Variants in ACTR6 observed in about 807,000 individuals in gnomAD.
The protein encoded by ACTR6 is actin-related protein 6.
Under a neutral mutation model 52.5 loss-of-function variants are expected in ACTR6, and 50 were observed. The observed-to-expected ratio is 0.95, with a 90% confidence interval of 0.76 to 1.20. ACTR6 has a LOEUF of 1.20. Ranked by LOEUF, ACTR6 falls within the 50% of genes most tolerant of loss-of-function variation. The probability of loss-of-function intolerance (pLI) is 0.00; values close to 1 mark genes in which losing one functional copy is unlikely to be tolerated. For synonymous variants in ACTR6, 135 were observed against 147.2 expected (o/e 0.92, Z 0.60); for missense variants, 344 against 472.4 (o/e 0.73, Z 2.52).
intron 10 of ACTR6, among the ~76,000 whole-genome samples, chr12:100,221,410 A>T (rs1282530023): frequency 6.6e-6 from 1 of 152,182 alleles, no homozygotes; most frequent in Non-Finnish European, 1.5e-5. Flanking sequence ...TATTGGGATG[A>T]TTTTTATCAC....
At chr12:100,215,738 TTAA>T (rs1331328133) in intron 8 of ACTR6, among the ~76,000 whole-genome samples, 7 of 152,340 alleles carry the variant, frequency 4.6e-5, no homozygotes, top group Non-Finnish European at 8.8e-5. Context: ...TTAAATCATC[TTAA>T]TAATTTTTTA....
chr12:100,216,270 C>T (rs2096123825), intron 8 of ACTR6, among the ~76,000 whole-genome samples: 1 of 152,206 alleles, frequency 6.6e-6, no homozygotes, highest in Non-Finnish European at 1.5e-5. Flanking sequence ...ATCCTCCCAC[C>T]TTAGCCTCCC....
chr12:100,203,874 C>A (rs995150570), intron 1 of ACTR6: 4 of 152,170 alleles, frequency 2.6e-5, no homozygotes, highest in African/African-American at 9.7e-5. Context: ...TGGTCTCGAT[C>A]TCCTGACCTC....
At chr12:100,207,248 T>G (rs1463163915) in intron 3 of ACTR6, among the ~76,000 whole-genome samples, 1 of 151,942 alleles carries the variant, frequency 6.6e-6, no homozygotes, top group Non-Finnish European at 1.5e-5. Context: ...TATTATTTTT[T>G]TAGTAGAGGT....
At chr12:100,213,199 C>T (rs2096121397) in intron 8 of ACTR6, among the ~76,000 whole-genome samples, 1 of 152,004 alleles carries the variant, frequency 6.6e-6, no homozygotes, top group Non-Finnish European at 1.5e-5. Context: ...CCCAAGTGAT[C>T]TTCCTGTCTC....
At chr12:100,221,013 C>CAAAAA (rs371896409) in intron 10 of ACTR6, among the ~76,000 whole-genome samples, 8 of 100,740 alleles carry the variant, frequency 7.9e-5, no homozygotes, top group Non-Finnish European at 1.1e-4. Flanking sequence ...ACCCCCCTGG[C>CAAAAA]AAAAAAAAAA....
rs2096109124 is a variant in ACTR6, at chr12:100,200,934, T to C, written c.68+15T>C. The C allele has an allele frequency of 1.2e-6, 2 of 1,613,922 alleles. No individual in the cohort carries two copies. The highest frequency in any genetic ancestry group is 2.7e-5 in the African/African-American group (2 of 74,918). The stretch of plus-strand genomic sequence containing the variant: ...GAAAATGTGTCGTAAGTACTTTCTT[T>C]CTCCGAGGGACAAGATATATACGCC... On this transcript the variant is annotated intron_variant, in intron 1 of 10. Coordinates refer to ENST00000188312, the MANE Select transcript of ACTR6 (RefSeq NM_022496.5).
At chr12:100,213,203 C>T (rs2096121401) in intron 8 of ACTR6, among the ~76,000 whole-genome samples, 1 of 151,994 alleles carries the variant, frequency 6.6e-6, no homozygotes, top group Admixed American at 6.6e-5. Flanking sequence ...AGTGATCTTC[C>T]TGTCTCAGCC....
chr12:100,212,998 C>G (rs1220759125), intron 8 of ACTR6, among the ~76,000 whole-genome samples: 2 of 128,354 alleles, frequency 1.6e-5, no homozygotes, highest in Admixed American at 1.6e-4. Context: ...CACAGCGAGA[C>G]TCTGTCTCAA....
intron 10 of ACTR6, among the ~76,000 whole-genome samples, chr12:100,221,181 C>T (rs1470137245): frequency 1.3e-5 from 2 of 152,120 alleles, no homozygotes; most frequent in Non-Finnish European, 1.5e-5. Context: ...AGTTTTCTTA[C>T]CTTGAGTGAG....
intron 3 of ACTR6, among the ~76,000 whole-genome samples, chr12:100,206,834 C>CT (rs757011274): frequency 0.038 from 4,873 of 128,762 alleles, 172 homozygotes; most frequent in African/African-American, 0.085. Context: ...ACACCTGGCT[C>CT]TTTTTTTTTT....
intron 10 of ACTR6, among the ~76,000 whole-genome samples, chr12:100,222,206 G>T (rs528450295): frequency 1.3e-5 from 2 of 150,692 alleles, no homozygotes; most frequent in African/African-American, 4.9e-5. Flanking sequence ...GCCTGCCTTG[G>T]CCTCCCAAAG....
intron 6 of ACTR6, among the ~76,000 whole-genome samples, chr12:100,211,495 A>C (rs2096119883): frequency 6.6e-6 from 1 of 152,006 alleles, no homozygotes; most frequent in South Asian, 2.1e-4. Context: ...CTGGCCTTAA[A>C]CTCGTGGGTT....
chr12:100,219,328 AAACTCTGCCCTTGTTTTACTG>A (rs1435601032), intron 9 of ACTR6, among the ~76,000 whole-genome samples: 4 of 152,134 alleles, frequency 2.6e-5, no homozygotes, highest in Non-Finnish European at 5.9e-5. Context: ...CAATATAAGG[AAACTCTGCCCTTGTTTTACTG>A]AACAGAAACA....
At chr12:100,212,413 A>G in intron 7 of ACTR6, 37 bp from the exon 8 acceptor site, 1 of 1,599,338 alleles carries the variant, frequency 6.3e-7, no homozygotes, top group East Asian at 2.2e-5. Context: ...GTTACACATA[A>G]TTAGAATGTT....
At position 100,210,325 on chromosome 12, in the gene ACTR6, T is replaced by C; in HGVS notation, c.546T>C (p.Asn182=). ...RINVGGKLLT[N]HLKEIISYRQ... ...ATGTGGGAGGAAAACTCTTAACCAATCATCTAAAGGAGATCATATCTTACA... is the reference window on the plus strand; with the variant it reads ...ATGTGGGAGGAAAACTCTTAACCAACCATCTAAAGGAGATCATATCTTACA... The change falls in exon 6 of 11, where the codon AAT becomes AAC. Residue 182 remains asparagine, a synonymous_variant. Coordinates refer to ENST00000188312, the MANE Select transcript of ACTR6 (RefSeq NM_022496.5). 18 of 1,614,144 alleles carry C rather than the reference T, an allele frequency of 1.1e-5. No homozygotes were observed. The highest frequency in any genetic ancestry group is 1.5e-5 in the Non-Finnish European group (18 of 1,180,002).
At chr12:100,219,371 G>C (rs1566297752) in intron 9 of ACTR6, among the ~76,000 whole-genome samples, 1 of 152,058 alleles carries the variant, frequency 6.6e-6, no homozygotes, top group Non-Finnish European at 1.5e-5. Flanking sequence ...TAGGTGGGAC[G>C]GCCCATACCT....
intron 1 of ACTR6, among the ~76,000 whole-genome samples, chr12:100,202,171 T>C (rs1278033345): frequency 6.6e-6 from 1 of 152,184 alleles, no homozygotes; most frequent in Admixed American, 6.5e-5. Flanking sequence ...GACCTCGTGA[T>C]CTGCCTGCTT....
chr12:100,209,633 T>C (rs2096118202), intron 4 of ACTR6, among the ~76,000 whole-genome samples: 1 of 152,248 alleles, frequency 6.6e-6, no homozygotes, highest in Admixed American at 6.5e-5. Flanking sequence ...GTTTGAATCC[T>C]GGCTCTGGTA....
Sources: gnomAD v4.1 joint callset for allele counts (sites outside exome capture counted in the v4.1 genomes callset) on GRCh38, gnomAD v4.1.1 for gene constraint, MANE v1.5 for transcripts, NCBI Gene and HGNC (gene_info 2026-07-23, HGNC 2026-07-21) for gene names.